Variants in FARS2 observed in about 807,000 individuals in gnomAD.
The protein encoded by FARS2 is phenylalanine--tRNA ligase, mitochondrial.
Under a neutral mutation model 46.4 loss-of-function variants are expected in FARS2, and 40 were observed. That is an observed-to-expected ratio of 0.86 (90% confidence interval 0.67 to 1.12). FARS2 has a LOEUF of 1.12. FARS2 is among the 50% of genes most tolerant of loss of function. The probability of loss-of-function intolerance (pLI) is 0.00; values close to 1 mark genes in which losing one functional copy is unlikely to be tolerated. For synonymous variants in FARS2, 234 were observed against 214.9 expected (o/e 1.09, Z -0.78); for missense variants, 513 against 567.9 (o/e 0.90, Z 0.98).
intron 4 of FARS2, among the ~76,000 whole-genome samples, chr6:5,516,168 C>G (rs1341791255): frequency 1.3e-5 from 2 of 152,192 alleles, no homozygotes; most frequent in Non-Finnish European, 2.9e-5. Flanking sequence ...GGTCAGGGAA[C>G]AGAAGCATGG....
intron 4 of FARS2, among the ~76,000 whole-genome samples, chr6:5,521,287 T>A (rs902406020): frequency 6.6e-6 from 1 of 151,940 alleles, no homozygotes; most frequent in Non-Finnish European, 1.5e-5. Context: ...TTTGATAACA[T>A]TCAGTATTCA....
Position 5,764,853 on chromosome 6 carries a change from C to G in FARS2, c.1218-6438C>G, listed in dbSNP as rs908542111. On this transcript the variant is annotated intron_variant, in intron 6 of 6. Coordinates refer to ENST00000274680, the MANE Select transcript of FARS2 (RefSeq NM_006567.5). This position sits in a 1 kb window ranked among gnomAD's most constrained non-coding sequence, Gnocchi z 4.1. The stretch of plus-strand genomic sequence containing the variant: ...ATTCCAACCCTCGCTAACACTCTGA[C>G]CCCTTGTGCCAGCTTTCCAATAAGG... Among the ~76,000 whole-genome samples, 3 of 152,204 alleles carry G rather than the reference C, an allele frequency of 2.0e-5. No homozygotes were observed. The highest frequency in any genetic ancestry group is 7.2e-5 in the African/African-American group (3 of 41,444).
intron 4 of FARS2, among the ~76,000 whole-genome samples, chr6:5,491,117 G>A (rs1331712974): frequency 6.6e-6 from 1 of 152,156 alleles, no homozygotes; most frequent in Non-Finnish European, 1.5e-5. Context: ...TCTCTTTAGC[G>A]ATTCTAGTAG....
intron 1 of FARS2, among the ~76,000 whole-genome samples, chr6:5,299,132 CAGTACAAGCTTT>C (rs1768105879): frequency 6.6e-6 from 1 of 152,174 alleles, no homozygotes; most frequent in Admixed American, 6.5e-5. Context: ...GCCTAGATTT[CAGTACAAGCTTT>C]AGCTCACTTT....
rs1446979597 is a variant in FARS2, at chr6:5,271,562, T to TC, written c.-22+9902_-22+9903insC. ...GTATAAGAACAGAGACTATGTCTGT[T>TC]TTTTTTTTTTTTTTTTTTGAGGCGG... On this transcript the variant is annotated intron_variant, in intron 1 of 6. Coordinates refer to ENST00000274680, the MANE Select transcript of FARS2 (RefSeq NM_006567.5). 2.7e-4 allele frequency among the ~76,000 whole-genome samples: 38 copies of TC among 142,250 alleles called. 1 individual carries two copies. Among genetic ancestry groups the TC allele is most frequent in the Non-Finnish European group, 2.3e-4 (15 of 65,114 alleles). The allele number at this position is 142,250 out of a possible 152,430, so 93.3% of individuals were successfully genotyped here.
At position 5,609,472 on chromosome 6, in the gene FARS2, T is replaced by A. The variant is rs576531828; in HGVS notation, c.1066-3697T>A. ...CCAAATCCATTATAGCCATCCGCCC[T>A]GCCACCATATCCACCACCATCATGG... is the stretch of plus-strand genomic sequence containing the variant. On this transcript the variant is annotated intron_variant, in intron 5 of 6. Transcript: ENST00000274680. The A allele has an allele frequency of 1.0e-4, 125 of 1,219,350 alleles. No homozygotes were observed. In the African/African-American group the frequency reaches 1.7e-3, roughly 16 times the overall value. The allele number at this position is 1,219,350 out of a possible 1,614,324, so 75.5% of individuals were successfully genotyped here.
chr6:5,770,787 C>G (rs899935572), intron 6 of FARS2, among the ~76,000 whole-genome samples: 2 of 152,218 alleles, frequency 1.3e-5, no homozygotes, highest in South Asian at 4.1e-4. Flanking sequence ...TGTATGCTTC[C>G]TGGACAGCCA....
chr6:5,487,712 C>T (rs181248554), intron 4 of FARS2, among the ~76,000 whole-genome samples: 7 of 152,302 alleles, frequency 4.6e-5, no homozygotes, highest in Admixed American at 3.9e-4. Context: ...GATGTAGGTA[C>T]GTGGCTTTAA....
chr6:5,397,559 A>G (rs889575794), intron 2 of FARS2, among the ~76,000 whole-genome samples: 1 of 152,160 alleles, frequency 6.6e-6, no homozygotes, highest in African/African-American at 2.4e-5. Context: ...ATTATATGGG[A>G]TATCTCTGTA....
At chr6:5,658,088 C>T (rs893540988) in intron 6 of FARS2, among the ~76,000 whole-genome samples, 2 of 152,144 alleles carry the variant, frequency 1.3e-5, no homozygotes, top group African/African-American at 4.8e-5. Flanking sequence ...GGAACCCCTT[C>T]TCTACTAAAA....
chr6:5,267,520 G>A (rs1765631484), intron 1 of FARS2, among the ~76,000 whole-genome samples: 1 of 152,038 alleles, frequency 6.6e-6, no homozygotes, highest in Non-Finnish European at 1.5e-5. Flanking sequence ...GGAGGCCCAG[G>A]CAGGTGAATC....
chr6:5,760,520 C>CT (rs1762426956), intron 6 of FARS2, among the ~76,000 whole-genome samples: 1 of 152,174 alleles, frequency 6.6e-6, no homozygotes, highest in Non-Finnish European at 1.5e-5. Context: ...TCAGAGGAGT[C>CT]TTTTCAGGAC....
intron 2 of FARS2, among the ~76,000 whole-genome samples, chr6:5,401,240 C>T (rs1275694539): frequency 6.6e-6 from 1 of 151,804 alleles, no homozygotes. Context: ...CATTTTATTT[C>T]TCTACAATAT....
intron 3 of FARS2, among the ~76,000 whole-genome samples, chr6:5,427,747 C>T (rs1161118845): frequency 2.0e-5 from 3 of 151,952 alleles, no homozygotes; most frequent in Admixed American, 2.0e-4. Context: ...CAGTTACCCA[C>T]GTTGTTACCA....
At chr6:5,683,150 G>A (rs911729050) in intron 6 of FARS2, among the ~76,000 whole-genome samples, 1 of 152,176 alleles carries the variant, frequency 6.6e-6, no homozygotes, top group Non-Finnish European at 1.5e-5. Flanking sequence ...TTGAGAGAAT[G>A]GACTGTCAGA....
intron 2 of FARS2, among the ~76,000 whole-genome samples, chr6:5,377,760 G>A (rs1759476762): frequency 1.3e-5 from 2 of 152,106 alleles, no homozygotes; most frequent in South Asian, 4.1e-4. Flanking sequence ...GCTCTCCTCT[G>A]TTCTAGGATG....
chr6:5,346,836 T>G (rs1757265922), intron 1 of FARS2, among the ~76,000 whole-genome samples: 1 of 152,122 alleles, frequency 6.6e-6, no homozygotes, highest in African/African-American at 2.4e-5. Context: ...AGTTCAACAT[T>G]TATTTATAAT....
At chr6:5,312,697 C>T (rs527868796) in intron 1 of FARS2, among the ~76,000 whole-genome samples, 1 of 152,242 alleles carries the variant, frequency 6.6e-6, no homozygotes, top group South Asian at 2.1e-4. Flanking sequence ...GACCACAGTG[C>T]TAAGTATCAA....
intron 2 of FARS2, among the ~76,000 whole-genome samples, chr6:5,373,013 C>T (rs1294693865): frequency 2.6e-5 from 4 of 151,998 alleles, no homozygotes; most frequent in South Asian, 2.1e-4. Flanking sequence ...AACCAAATAC[C>T]GCAGACAACA....
Sources: allele counts gnomAD v4.1 joint callset (sites outside exome capture counted in the v4.1 genomes callset), GRCh38; gene constraint gnomAD v4.1.1; non-coding constraint Gnocchi (gnomAD v3.1); transcripts MANE v1.5; gene names NCBI Gene and HGNC (gene_info 2026-07-23, HGNC 2026-07-21).